CLOCK: variants seen among roughly 807,000 people sequenced by gnomAD.
CLOCK encodes the protein circadian locomoter output cycles protein kaput.
A neutral mutation model predicts 118.4 loss-of-function variants in CLOCK; 43 were observed. That is an observed-to-expected ratio of 0.36 (90% CI 0.28 to 0.47). The LOEUF is 0.47. CLOCK is among the 20% of genes least tolerant of loss of function. The probability of loss-of-function intolerance (pLI) is 1.00; values close to 1 mark genes in which losing one functional copy is unlikely to be tolerated. For missense variants in CLOCK, 846 were observed against 999.9 expected, an observed-to-expected ratio of 0.85 and a Z score of 2.08; for synonymous variants, 326 against 339.2, an observed-to-expected ratio of 0.96 and a Z score of 0.43.
intron 22 of CLOCK, 83 bp downstream of exon 22, chr4:55,438,199 C>G: frequency 6.7e-7 from 1 of 1,496,570 alleles, no homozygotes; most frequent in Non-Finnish European, 9.3e-7. Context: ...TTTCACATCA[C>G]TCACAAATCT....
At chr4:55,452,846 C>G in intron 15 of CLOCK, 3 of 453,610 alleles carry the variant, frequency 6.6e-6, no homozygotes, top group South Asian at 2.9e-5. Context: ...GTTTTGAGAT[C>G]AGACACATCT....
rs1225594566 is a variant in CLOCK at position 55,429,264 on chromosome 4, AT to A, written c.*6150del. ...AGTTTAACCCTCAGAGTTAAGAAAT[AT>A]TTTTTAGATCATTAAATTCAATTGT... On this transcript the variant is annotated 3_prime_UTR_variant, in exon 23 of 23. Coordinates refer to ENST00000513440, the MANE Select transcript of CLOCK (RefSeq NM_004898.4). The A allele has an allele frequency of 6.6e-6, 1 of 152,146 alleles. No individual in the cohort carries two copies. Among genetic ancestry groups the A allele is most frequent in the Non-Finnish European group, 1.5e-5 (1 of 68,016 alleles). The allele number at this position is 152,146 out of a possible 1,614,324, so 9.4% of individuals were successfully genotyped here.
chr4:55,542,636 G>T (rs1290464700), intron 1 of CLOCK, among the ~76,000 whole-genome samples: 2 of 151,912 alleles, frequency 1.3e-5, no homozygotes, highest in Non-Finnish European at 2.9e-5. Context: ...AGAGGGTAGT[G>T]CATATTAGTT....
Position 55,429,960 on chromosome 4 carries a change from CAG to C in CLOCK, c.*5453_*5454del, listed in dbSNP as rs1364706021. The C allele has an allele frequency of 6.6e-6, 1 of 152,182 alleles. No individual in the cohort carries two copies. Among genetic ancestry groups the C allele is most frequent in the Non-Finnish European group, 1.5e-5 (1 of 68,022 alleles). 9.4% of individuals were successfully genotyped at this position (152,182 alleles called of 1,614,324 possible). ...GAGAGTTGGTGACTGCACCCCAAATCAGAGCCAGTTCCCTAAGAAGAATATGG... is the reference window on the plus strand; with the variant it reads ...GAGAGTTGGTGACTGCACCCCAAATCAGCCAGTTCCCTAAGAAGAATATGG... On this transcript the variant is annotated 3_prime_UTR_variant, in exon 23 of 23. Transcript: ENST00000513440.
chr4:55,502,548 C>A (rs1023271163), intron 2 of CLOCK, among the ~76,000 whole-genome samples: 7 of 152,054 alleles, frequency 4.6e-5, no homozygotes, highest in African/African-American at 1.7e-4. Flanking sequence ...CACACATAAA[C>A]CTAAATGCAA....
intron 8 of CLOCK, among the ~76,000 whole-genome samples, chr4:55,469,641 T>C (rs1018635861): frequency 2.0e-5 from 3 of 152,172 alleles, no homozygotes; most frequent in Non-Finnish European, 4.4e-5. Context: ...TTAAAAAAAG[T>C]TTTTTAAATA....
intron 9 of CLOCK, among the ~76,000 whole-genome samples, chr4:55,461,969 C>G (rs1016437360): frequency 6.6e-6 from 1 of 152,128 alleles, no homozygotes; most frequent in African/African-American, 2.4e-5. Context: ...TCATTATGGC[C>G]AAAATGACCT....
intron 1 of CLOCK, among the ~76,000 whole-genome samples, chr4:55,523,181 T>C (rs1729953120): frequency 6.6e-6 from 1 of 151,498 alleles, no homozygotes; most frequent in African/African-American, 2.4e-5. Context: ...GCACCTGTAG[T>C]CCCAGCTACT....
chr4:55,464,072 C>A (rs982123230), intron 8 of CLOCK, among the ~76,000 whole-genome samples: 1 of 152,110 alleles, frequency 6.6e-6, no homozygotes, highest in Non-Finnish European at 1.5e-5. Flanking sequence ...CAAAATACAA[C>A]GGGACCAAGA....
At chr4:55,480,993 G>A (rs1726892024) in intron 4 of CLOCK, among the ~76,000 whole-genome samples, 1 of 152,044 alleles carries the variant, frequency 6.6e-6, no homozygotes, top group Non-Finnish European at 1.5e-5. Flanking sequence ...GGATCTAAGT[G>A]ACAAGAAGGG....
chr4:55,479,713 G>A lies in CLOCK; in HGVS notation c.48-14C>T. The A allele has an allele frequency of 6.2e-7, 1 of 1,609,152 alleles. No homozygotes were observed. Among genetic ancestry groups the A allele is most frequent in the Middle Eastern group, 1.7e-4 (1 of 6,046 alleles). On this transcript the variant is annotated splice_polypyrimidine_tract_variant and intron_variant, in intron 4 of 22. Transcript: ENST00000513440. ...CTACTGTCATCTCTAAAAGAAAGCG[G>A]ATAGAGAAAGTAAGAGCAGACTCAC...
intron 11 of CLOCK, among the ~76,000 whole-genome samples, 166 bp downstream of exon 11, chr4:55,458,726 T>A (rs1054299322): frequency 1.3e-5 from 2 of 152,082 alleles, no homozygotes; most frequent in African/African-American, 4.8e-5. Flanking sequence ...TACTAAAAAA[T>A]TAGTTATACA....
chr4:55,437,067 ATTTC>A (rs1722940180), intron 22 of CLOCK, among the ~76,000 whole-genome samples: 4 of 151,998 alleles, frequency 2.6e-5, no homozygotes, highest in Admixed American at 2.0e-4. Flanking sequence ...AATTGTTGTT[ATTTC>A]TTTATTTGTA....
Position 55,478,918 on chromosome 4 carries a change from A to G in CLOCK, c.153T>C (p.Asn51=), listed in dbSNP as rs1213509252. 3 of 1,606,466 alleles carry G rather than the reference A, an allele frequency of 1.9e-6. No individual in the cohort carries two copies. In the Admixed American group the frequency reaches 5.0e-5, roughly 27 times the overall value. The change falls in exon 6 of 23, where the codon AAT becomes AAC. Residue 51 remains asparagine (N), a synonymous_variant. Transcript: ENST00000513440. The stretch of plus-strand genomic sequence containing the variant: ...TGGATCCCAGTTCTTTAATGAGAAC[A>G]TTAAATTGATCTCTACGTTTCTTTT... ...KSEKKRRDQF[N]VLIKELGSML...
intron 1 of CLOCK, among the ~76,000 whole-genome samples, chr4:55,533,669 AAG>A (rs1730697743): frequency 5.9e-5 from 9 of 151,916 alleles, no homozygotes; most frequent in Non-Finnish European, 1.3e-4. Context: ...TTGGGAGGCC[AAG>A]GCAGGTGGAT....
intron 15 of CLOCK, 36 bp downstream of exon 15, chr4:55,453,018 A>G (rs922541934): frequency 8.4e-6 from 12 of 1,432,100 alleles, no homozygotes; most frequent in Non-Finnish European, 1.2e-5. Flanking sequence ...TTGGGGAGAA[A>G]TTAAAAATAA....
intron 9 of CLOCK, 124 bp from the exon 10 acceptor site, chr4:55,459,385 G>C: frequency 1.5e-6 from 1 of 684,996 alleles, no homozygotes; most frequent in Non-Finnish European, 2.6e-6. Flanking sequence ...AACAGAAGTC[G>C]TCAATGACAT....
intron 6 of CLOCK, among the ~76,000 whole-genome samples, chr4:55,478,053 G>A (rs1387506461): frequency 6.6e-6 from 1 of 152,060 alleles, no homozygotes; most frequent in African/African-American, 2.4e-5. Context: ...ACTGAGCTAG[G>A]CAGAAGTAAA....
At chr4:55,482,634 T>C (rs576005262) in intron 4 of CLOCK, 105 bp downstream of exon 4, 13 of 710,670 alleles carry the variant, frequency 1.8e-5, no homozygotes, top group Admixed American at 1.7e-4. Flanking sequence ...ATAGTAATTA[T>C]GTTTAGGCAT....
Sources: gnomAD v4.1 joint callset for allele counts (sites outside exome capture counted in the v4.1 genomes callset) on GRCh38, gnomAD v4.1.1 for gene constraint, MANE v1.5 for transcripts, NCBI Gene and HGNC (gene_info 2026-07-23, HGNC 2026-07-21) for gene names.